Variants in PTPRD observed in about 807,000 individuals in gnomAD.
PTPRD encodes the protein receptor-type tyrosine-protein phosphatase delta.
PTPRD carries 34 observed loss-of-function variants against 214.5 expected under a neutral mutation model. The observed-to-expected ratio is 0.16, with a 90% CI of 0.12 to 0.21. The LOEUF is 0.21. PTPRD is among the 10% of genes least tolerant of loss of function. The pLI, the probability that PTPRD is intolerant of heterozygous loss-of-function variation, is 1.00. For missense variants in PTPRD, 2,545 were observed against 2,398.7 expected (o/e 1.06, Z -1.27); for synonymous variants, 1,128 against 845.7 (o/e 1.33, Z -5.79).
intron 2 of PTPRD, among the ~76,000 whole-genome samples, chr9:10,548,256 G>C (rs774680398): frequency 1.3e-5 from 2 of 152,120 alleles, no homozygotes; most frequent in Non-Finnish European, 2.9e-5. Context: ...TTAAATGTAA[G>C]TAATCTTTTA....
intron 3 of PTPRD, among the ~76,000 whole-genome samples, chr9:10,323,957 G>T (rs7851619): frequency 1.3e-5 from 2 of 151,856 alleles, no homozygotes; most frequent in African/African-American, 2.4e-5. Context: ...GAATTAACTT[G>T]TGAGAATTTT....
At chr9:9,124,312 C>A (rs1365346224) in intron 10 of PTPRD, among the ~76,000 whole-genome samples, 1 of 152,124 alleles carries the variant, frequency 6.6e-6, no homozygotes, top group East Asian at 1.9e-4. Flanking sequence ...TAGTAAGATT[C>A]TTTCTAACTA....
intron 12 of PTPRD, among the ~76,000 whole-genome samples, chr9:8,724,843 T>G (rs570816861): frequency 6.6e-6 from 1 of 151,790 alleles, no homozygotes; most frequent in East Asian, 1.9e-4. Flanking sequence ...GATGCTGAAG[T>G]GGGAGGATCA....
intron 2 of PTPRD, among the ~76,000 whole-genome samples, chr9:10,487,316 A>G (rs1282070390): frequency 6.6e-6 from 1 of 152,124 alleles, no homozygotes; most frequent in African/African-American, 2.4e-5. Flanking sequence ...ATAAGGAAGG[A>G]CTTACTCCTG....
chr9:9,808,854 C>T (rs2046257703), intron 5 of PTPRD, among the ~76,000 whole-genome samples: 1 of 152,048 alleles, frequency 6.6e-6, no homozygotes, highest in African/African-American at 2.4e-5. Context: ...TCACTGAAAC[C>T]TCAAACTCCT....
At chr9:9,764,386 A>C (rs577111358) in intron 6 of PTPRD, among the ~76,000 whole-genome samples, 20 of 152,362 alleles carry the variant, frequency 1.3e-4, no homozygotes, top group African/African-American at 4.3e-4. Context: ...TCTTTAAAAA[A>C]TAAATGAAAT....
At chr9:10,563,576 T>G (rs1460791261) in intron 2 of PTPRD, among the ~76,000 whole-genome samples, 1 of 152,180 alleles carries the variant, frequency 6.6e-6, no homozygotes, top group African/African-American at 2.4e-5. Context: ...TTAAAATATA[T>G]TTATTTCAAT....
intron 12 of PTPRD, among the ~76,000 whole-genome samples, chr9:8,660,181 A>G (rs1449890998): frequency 6.6e-6 from 1 of 152,242 alleles, no homozygotes; most frequent in African/African-American, 2.4e-5. Flanking sequence ...TCTTTCTGAA[A>G]TATAGCATGT....
In PTPRD at chr9:8,315,147, A is replaced by G. The variant is rs1354387332; in HGVS notation, c.*2727T>C. The stretch of plus-strand genomic sequence containing the variant: ...AAGATGGTTCACCTGGGAAATTAAA[A>G]CTTGAATGGTTGTACAGAAAAGCAC... On this transcript the variant is annotated 3_prime_UTR_variant, in exon 46 of 46. Coordinates refer to ENST00000381196, the MANE Select transcript of PTPRD (RefSeq NM_002839.4). The G allele has an allele frequency of 4.3e-6, 1 of 232,622 alleles. No homozygotes were observed. Among genetic ancestry groups the G allele is most frequent in the Admixed American group, 5.6e-5 (1 of 17,720 alleles). 14.4% of individuals were successfully genotyped at this position (232,622 alleles called of 1,614,324 possible). A position where few individuals can be genotyped will look rare whatever the true frequency, so the allele number is the denominator to read the frequency against.
intron 2 of PTPRD, among the ~76,000 whole-genome samples, chr9:10,375,545 T>A (rs1180465070): frequency 1.3e-5 from 2 of 152,010 alleles, no homozygotes; most frequent in African/African-American, 4.8e-5. Flanking sequence ...AGCAAAACCA[T>A]GTTAGTATGT....
chr9:8,353,937 CAT>C (rs59488682), intron 39 of PTPRD, among the ~76,000 whole-genome samples: 2,592 of 61,264 alleles, frequency 0.042, 275 homozygotes, highest in African/African-American at 0.1. Flanking sequence ...TGTGTGTGTA[CAT>C]ATATATATAT....
At chr9:9,020,523 A>G (rs1464726987) in intron 10 of PTPRD, among the ~76,000 whole-genome samples, 2 of 152,164 alleles carry the variant, frequency 1.3e-5, no homozygotes, top group African/African-American at 4.8e-5. Flanking sequence ...GTAAGACAAA[A>G]TAAGGAACCA....
intron 7 of PTPRD, among the ~76,000 whole-genome samples, chr9:9,595,581 T>C (rs868580597): frequency 2.7e-5 from 4 of 149,340 alleles, no homozygotes; most frequent in African/African-American, 1.0e-4. Flanking sequence ...TGTGTGTATA[T>C]ACATATATAT....
chr9:9,608,946 G>C (rs1022307572), intron 7 of PTPRD, among the ~76,000 whole-genome samples: 1 of 152,014 alleles, frequency 6.6e-6, no homozygotes, highest in African/African-American at 2.4e-5. Flanking sequence ...ACTTCCCTTT[G>C]TTCTGATTCT....
chr9:9,717,272 A>G (rs997405302), intron 7 of PTPRD, among the ~76,000 whole-genome samples: 2 of 152,190 alleles, frequency 1.3e-5, no homozygotes, highest in Admixed American at 6.5e-5. Flanking sequence ...TATAGTTTGA[A>G]GTCAGGTAGC....
chr9:9,398,575 C>T (rs1331236453), intron 8 of PTPRD, among the ~76,000 whole-genome samples: 1 of 151,590 alleles, frequency 6.6e-6, no homozygotes, highest in Admixed American at 6.6e-5. Context: ...AGTAATATAC[C>T]CTATGAACAA....
intron 7 of PTPRD, among the ~76,000 whole-genome samples, chr9:9,696,274 T>C (rs1438969677): frequency 1.3e-5 from 2 of 152,176 alleles, no homozygotes; most frequent in Non-Finnish European, 2.9e-5. Context: ...ATGTGTATTC[T>C]GCAGCAATTG....
At chr9:10,263,881 G>C (rs1485447192) in intron 3 of PTPRD, among the ~76,000 whole-genome samples, 1 of 152,074 alleles carries the variant, frequency 6.6e-6, no homozygotes, top group African/African-American at 2.4e-5. Context: ...GGCCAGGCCA[G>C]GGACCCTCCT....
At position 8,333,625 on chromosome 9, in the gene PTPRD, G is replaced by A. The variant is rs141247031; in HGVS notation, c.5380-1889C>T. Among the ~76,000 whole-genome samples, 714 of 151,866 alleles carry A rather than the reference G, an allele frequency of 4.7e-3. 3 individuals carry two copies. Among genetic ancestry groups the A allele is most frequent in the African/African-American group, 0.016 (667 of 41,174 alleles). ...ATACCAAATTGTAAAGACCATCAAC[G>A]CTATGAAGAAGCTGCATAATTAATG... On this transcript the variant is annotated intron_variant, in intron 43 of 45. Transcript: ENST00000381196.
Sources: allele counts gnomAD v4.1 joint callset (sites outside exome capture counted in the v4.1 genomes callset), GRCh38; gene constraint gnomAD v4.1.1; transcripts MANE v1.5; gene names NCBI Gene and HGNC (gene_info 2026-07-23, HGNC 2026-07-21).